The following ZFR variants were observed in gnomAD, a reference collection of about 807,000 sequenced individuals.
The protein encoded by ZFR is zinc finger RNA-binding protein.
ZFR carries 19 observed loss-of-function variants against 130.7 expected under a neutral mutation model. The ratio of observed to expected loss-of-function variants is 0.15; its 90% CI spans 0.10 to 0.21. The LOEUF is 0.21. Among genes scored for constraint, ZFR ranks in the 10% least tolerant of loss-of-function variants. The probability of loss-of-function intolerance (pLI) is 1.00; values close to 1 mark genes in which losing one functional copy is unlikely to be tolerated. For synonymous variants in ZFR, 466 were observed against 456.9 expected (o/e 1.02, Z -0.25); for missense variants, 872 against 1,321.5 (o/e 0.66, Z 5.27).
intron 5 of ZFR, among the ~76,000 whole-genome samples, chr5:32,408,957 T>C (rs1296836367): frequency 6.6e-6 from 1 of 152,252 alleles, no homozygotes; most frequent in Non-Finnish European, 1.5e-5. Context: ...TTTCCACGCA[T>C]TTTAGCTCTC....
intron 12 of ZFR, among the ~76,000 whole-genome samples, chr5:32,389,808 C>T (rs1037170613): frequency 2.0e-5 from 3 of 152,130 alleles, no homozygotes; most frequent in African/African-American, 4.8e-5. Context: ...ACACAGGAAA[C>T]ATATTCCCTT....
At chr5:32,412,066 G>A (rs1403666202) in intron 5 of ZFR, among the ~76,000 whole-genome samples, 1 of 152,202 alleles carries the variant, frequency 6.6e-6, no homozygotes, top group African/African-American at 2.4e-5. Context: ...AACTACCACT[G>A]TAGAAATTCA....
rs188552131 is a variant in ZFR at position 32,372,911 on chromosome 5, T to C, written c.2835+6204A>G. Reference sequence around the variant, plus strand: ...AAATTAAGAGGTATACATTATACCTTGTTGAGAGCAGATCTCTTCTTTTAA... The same window carrying C: ...AAATTAAGAGGTATACATTATACCTCGTTGAGAGCAGATCTCTTCTTTTAA... On this transcript the variant is annotated intron_variant, in intron 17 of 19. Transcript: ENST00000265069. 7.9e-5 allele frequency among the ~76,000 whole-genome samples: 12 copies of C among 152,276 alleles called. No individual in the cohort carries two copies. In the East Asian group the frequency reaches 2.3e-3, roughly 29 times the overall value.
At position 32,430,237 on chromosome 5, in the gene ZFR, T is replaced by G. The variant is rs1288294763; in HGVS notation, c.138-10134A>C. 2.0e-5 allele frequency among the ~76,000 whole-genome samples: 3 copies of G among 152,102 alleles called. No individual in the cohort carries two copies. The East Asian group carries it at 5.8e-4, about 29-fold the overall frequency. On this transcript the variant is annotated intron_variant, in intron 2 of 19. Transcript: ENST00000265069. ...TAAGCACACTTGAAGTAAAAGAGAT[T>G]GTCAAAACTAAGACTAAGGAACAAG...
In ZFR at chr5:32,398,008, C is replaced by T. The variant is rs61050029; in HGVS notation, c.1714-670G>A. Among the ~76,000 whole-genome samples the T allele has an allele frequency of 7.4e-3, 1,120 of 151,838 alleles. 18 individuals carry two copies. Among genetic ancestry groups the T allele is most frequent in the African/African-American group, 0.026 (1,066 of 41,394 alleles). ...GAGTAGCTGGGACTACAGGTGCCCACCACCACGCCCAGCTAATTTTGTATT... is the reference window on the plus strand; with the variant it reads ...GAGTAGCTGGGACTACAGGTGCCCATCACCACGCCCAGCTAATTTTGTATT... On this transcript the variant is annotated intron_variant, in intron 9 of 19. Transcript: ENST00000265069.
chr5:32,423,083 C>G (rs10070177), intron 2 of ZFR, among the ~76,000 whole-genome samples: 1 of 151,874 alleles, frequency 6.6e-6, no homozygotes, highest in Admixed American at 6.6e-5. Context: ...CACGGAATAC[C>G]TGTAATCCCA....
chr5:32,420,581 C>A (rs973912424), intron 2 of ZFR, among the ~76,000 whole-genome samples: 3 of 152,218 alleles, frequency 2.0e-5, no homozygotes, highest in Non-Finnish European at 4.4e-5. Flanking sequence ...TACTGACCAG[C>A]TGATTAAAAA....
chr5:32,443,808 A>C (rs1367655917), intron 2 of ZFR, among the ~76,000 whole-genome samples: 2 of 152,242 alleles, frequency 1.3e-5, no homozygotes, highest in Non-Finnish European at 1.5e-5. Flanking sequence ...ACTCCCCGTG[A>C]GGTCCCTTCA....
chr5:32,444,472 C>T (rs913719668), intron 1 of ZFR, 144 bp from the exon 2 acceptor site: 10 of 1,284,626 alleles, frequency 7.8e-6, no homozygotes, highest in South Asian at 5.1e-5. Flanking sequence ...CGCCGCCTCC[C>T]CCTCCCGCCT....
rs369958444 is a variant in ZFR at position 32,388,639 on chromosome 5, A to G, written c.2178T>C (p.Tyr726=). Residue 726 remains tyrosine (Y), a synonymous_variant, in exon 13 of 20, where the codon TAT becomes TAC. Coordinates refer to ENST00000265069, the MANE Select transcript of ZFR (RefSeq NM_016107.5). The stretch of plus-strand genomic sequence containing the variant: ...AAATGGTGGCATGTTTTGTCATTAC[A>G]TAACGGTCATCAGATGAGTCAGGAC... ...LRRPDSSDDR[Y]VMTKHATIYP... The G allele has an allele frequency of 7.4e-6, 12 of 1,613,922 alleles. No individual in the cohort carries two copies. In the Admixed American group the frequency reaches 8.3e-5, roughly 11 times the overall value.
chr5:32,392,583 G>T (rs1296507983), intron 11 of ZFR, among the ~76,000 whole-genome samples: 2 of 152,120 alleles, frequency 1.3e-5, no homozygotes, highest in Non-Finnish European at 2.9e-5. Context: ...AAACAAAATG[G>T]CTATCACATT....
chr5:32,358,950 T>C (rs538061992), intron 19 of ZFR, among the ~76,000 whole-genome samples: 1 of 152,294 alleles, frequency 6.6e-6, no homozygotes, highest in East Asian at 1.9e-4. Context: ...TAGCCGGGCA[T>C]GGTGGCTAAG....
chr5:32,404,851 C>CT (rs1490328563), intron 6 of ZFR, among the ~76,000 whole-genome samples: 1 of 152,136 alleles, frequency 6.6e-6, no homozygotes, highest in Non-Finnish European at 1.5e-5. Context: ...GGGTCTCACT[C>CT]TGTTACCCAG....
At chr5:32,431,033 C>T (rs1318812291) in intron 2 of ZFR, among the ~76,000 whole-genome samples, 1 of 152,090 alleles carries the variant, frequency 6.6e-6, no homozygotes, top group Non-Finnish European at 1.5e-5. Context: ...TGAAATTGCA[C>T]CACTGCACTC....
At chr5:32,424,794 T>G (rs1754036183) in intron 2 of ZFR, among the ~76,000 whole-genome samples, 2 of 152,240 alleles carry the variant, frequency 1.3e-5, no homozygotes, top group African/African-American at 2.4e-5. Context: ...GATAAAACAG[T>G]TTTTGCTTTA....
At chr5:32,412,251 T>G (rs1023500018) in intron 5 of ZFR, among the ~76,000 whole-genome samples, 1 of 152,254 alleles carries the variant, frequency 6.6e-6, no homozygotes, top group Admixed American at 6.5e-5. Flanking sequence ...ACTTATTACA[T>G]GCTTCTGATG....
intron 17 of ZFR, among the ~76,000 whole-genome samples, chr5:32,370,436 A>T (rs1752646816): frequency 6.6e-6 from 1 of 152,034 alleles, no homozygotes; most frequent in Non-Finnish European, 1.5e-5. Context: ...GCAGTGGTGC[A>T]ATCACAGCTC....
intron 17 of ZFR, among the ~76,000 whole-genome samples, chr5:32,371,494 AG>A (rs1752667814): frequency 6.6e-6 from 1 of 152,212 alleles, no homozygotes; most frequent in Non-Finnish European, 1.5e-5. Context: ...ACCCTGCTTA[AG>A]CTTGGCTCTC....
chr5:32,377,586 G>T (rs998037845), intron 17 of ZFR, among the ~76,000 whole-genome samples: 3 of 151,800 alleles, frequency 2.0e-5, no homozygotes, highest in African/African-American at 4.8e-5. Context: ...ATTGTAAAAA[G>T]AATTACTATA....
Sources: allele counts gnomAD v4.1 joint callset (sites outside exome capture counted in the v4.1 genomes callset), GRCh38; gene constraint gnomAD v4.1.1; transcripts MANE v1.5; gene names NCBI Gene and HGNC (gene_info 2026-07-23, HGNC 2026-07-21).